The following PLPPR1 variants were observed in gnomAD, a reference collection of about 807,000 sequenced individuals.
PLPPR1 encodes the protein phospholipid phosphatase related 1.
Under a neutral mutation model 33.1 loss-of-function variants are expected in PLPPR1, and 10 were observed. The observed-to-expected ratio is 0.30, with a 90% CI of 0.19 to 0.51. PLPPR1 has a LOEUF of 0.51. Among genes scored for constraint, PLPPR1 ranks in the 20% least tolerant of loss-of-function variants. The probability of loss-of-function intolerance (pLI) is 0.97; values close to 1 mark genes in which losing one functional copy is unlikely to be tolerated. For synonymous variants in PLPPR1, 151 were observed against 151.0 expected, an observed-to-expected ratio of 1.00 and a Z score of 0.00; for missense variants, 304 against 408.1, an observed-to-expected ratio of 0.74 and a Z score of 2.20.
intron 1 of PLPPR1, among the ~76,000 whole-genome samples, chr9:101,142,804 G>A (rs1381568126): frequency 6.6e-6 from 1 of 151,936 alleles, no homozygotes; most frequent in African/African-American, 2.4e-5. Flanking sequence ...CAAAGCCCCT[G>A]TCCTCAAGGA....
chr9:101,308,531 A>G (rs1006059464), intron 4 of PLPPR1, among the ~76,000 whole-genome samples: 5 of 152,220 alleles, frequency 3.3e-5, no homozygotes, highest in East Asian at 3.8e-4. Context: ...GTAATTTGTT[A>G]TAGCAGCAAT....
chr9:101,287,080 A>C (rs1242608222), intron 4 of PLPPR1, among the ~76,000 whole-genome samples: 1 of 152,190 alleles, frequency 6.6e-6, no homozygotes, highest in Non-Finnish European at 1.5e-5. Flanking sequence ...GAATTTCTTC[A>C]AGTAATAAGC....
At chr9:101,161,892 A>C (rs1831780749) in intron 1 of PLPPR1, among the ~76,000 whole-genome samples, 1 of 152,044 alleles carries the variant, frequency 6.6e-6, no homozygotes, top group African/African-American at 2.4e-5. Flanking sequence ...ATTTAGACTA[A>C]ATATTTCAAT....
At chr9:101,118,353 A>G (rs1417383283) in intron 1 of PLPPR1, among the ~76,000 whole-genome samples, 1 of 152,242 alleles carries the variant, frequency 6.6e-6, no homozygotes, top group Non-Finnish European at 1.5e-5. Flanking sequence ...CAGACCTTAC[A>G]GATCAAAATT....
chr9:101,199,077 A>T (rs914305831), intron 2 of PLPPR1, among the ~76,000 whole-genome samples: 1 of 152,222 alleles, frequency 6.6e-6, no homozygotes, highest in African/African-American at 2.4e-5. Context: ...CACTATATAC[A>T]ATAGATACCA....
At chr9:101,175,610 G>A (rs1050557730) in intron 1 of PLPPR1, among the ~76,000 whole-genome samples, 21 of 152,068 alleles carry the variant, frequency 1.4e-4, no homozygotes, top group African/African-American at 3.9e-4. Flanking sequence ...ATATCTGTTA[G>A]CCCATAGAAT....
At chr9:101,291,539 G>A (rs998436742) in intron 4 of PLPPR1, among the ~76,000 whole-genome samples, 11 of 152,122 alleles carry the variant, frequency 7.2e-5, no homozygotes, top group East Asian at 1.9e-4. Context: ...GGAGGCACCC[G>A]CCAGTAGGGG....
At chr9:101,148,336 C>T (rs1831545432) in intron 1 of PLPPR1, among the ~76,000 whole-genome samples, 1 of 152,170 alleles carries the variant, frequency 6.6e-6, no homozygotes, top group Non-Finnish European at 1.5e-5. Context: ...AATGAAACTA[C>T]ATATACAACT....
chr9:101,183,042 G>A (rs1285966571), intron 1 of PLPPR1, among the ~76,000 whole-genome samples: 1 of 151,732 alleles, frequency 6.6e-6, no homozygotes, highest in Non-Finnish European at 1.5e-5. Flanking sequence ...CATTGCTGGT[G>A]GGAATGTAAA....
chr9:101,145,681 A>G (rs1420049384), intron 1 of PLPPR1, among the ~76,000 whole-genome samples: 14 of 150,286 alleles, frequency 9.3e-5, no homozygotes, highest in African/African-American at 3.2e-4. Flanking sequence ...ATGACTGGCA[A>G]TATATATGAT....
At chr9:101,068,029 G>C (rs920294568) in intron 1 of PLPPR1, among the ~76,000 whole-genome samples, 1 of 151,996 alleles carries the variant, frequency 6.6e-6, no homozygotes, top group Non-Finnish European at 1.5e-5. Context: ...TTATTAAAAG[G>C]TGTCTAAAGT....
At chr9:101,196,051 G>A (rs1826388157) in intron 2 of PLPPR1, among the ~76,000 whole-genome samples, 1 of 152,146 alleles carries the variant, frequency 6.6e-6, no homozygotes, top group Non-Finnish European at 1.5e-5. Flanking sequence ...TTCATTCTTT[G>A]CTTTGTGATG....
chr9:101,174,814 ATATT>A (rs1479678813), intron 1 of PLPPR1, among the ~76,000 whole-genome samples: 1 of 152,196 alleles, frequency 6.6e-6, no homozygotes, highest in African/African-American at 2.4e-5. Flanking sequence ...GATTCATAAT[ATATT>A]TACCTCCTAG....
At chr9:101,216,529 G>C (rs1826798662) in intron 2 of PLPPR1, among the ~76,000 whole-genome samples, 1 of 152,090 alleles carries the variant, frequency 6.6e-6, no homozygotes, top group Non-Finnish European at 1.5e-5. Flanking sequence ...AAGCTTTTTA[G>C]ATTAATGTGA....
chr9:101,056,706 G>T (rs765342900), intron 1 of PLPPR1, among the ~76,000 whole-genome samples: 1 of 152,190 alleles, frequency 6.6e-6, no homozygotes, highest in Non-Finnish European at 1.5e-5. Context: ...TCATATGCAA[G>T]GGCTAAGGGG....
At chr9:101,226,080 CTTTTCAATCTAAT>C (rs1827060949) in intron 2 of PLPPR1, among the ~76,000 whole-genome samples, 1 of 152,108 alleles carries the variant, frequency 6.6e-6, no homozygotes, top group Non-Finnish European at 1.5e-5. Context: ...ATTTTCATCA[CTTTTCAATCTAAT>C]TTCCTGAGCT....
In PLPPR1 at chr9:101,158,671, C is replaced by A. The variant is rs549910907; in HGVS notation, c.-45-26779C>A. Among the ~76,000 whole-genome samples, 6 of 152,294 alleles carry A rather than the reference C, an allele frequency of 3.9e-5. No homozygotes were observed. The East Asian group carries it at 9.7e-4, about 25-fold the overall frequency. ...CAACCAAAAGGTGGGAAAGCTGAGG[C>A]ATTTTTACTCCAAATACCTTCAAAC... On this transcript the variant is annotated intron_variant, in intron 1 of 7. Transcript: ENST00000374874.
At chr9:101,199,315 G>T (rs577803655) in intron 2 of PLPPR1, among the ~76,000 whole-genome samples, 6 of 152,302 alleles carry the variant, frequency 3.9e-5, no homozygotes, top group African/African-American at 1.4e-4. Context: ...GCCTAACTTT[G>T]ATACTTTGCA....
chr9:101,238,287 C>A (rs1242243910), intron 2 of PLPPR1, among the ~76,000 whole-genome samples: 1 of 131,550 alleles, frequency 7.6e-6, no homozygotes, highest in Admixed American at 7.6e-5. Flanking sequence ...ATCCTATATA[C>A]ATACCCTATA....
Sources: gnomAD v4.1 joint callset for allele counts (sites outside exome capture counted in the v4.1 genomes callset) on GRCh38, gnomAD v4.1.1 for gene constraint, MANE v1.5 for transcripts, NCBI Gene and HGNC (gene_info 2026-07-23, HGNC 2026-07-21) for gene names.